The following STK11 variants were observed in gnomAD, a reference collection of about 807,000 sequenced individuals.
STK11 encodes serine/threonine kinase 11.
A neutral mutation model predicts 47.3 loss-of-function variants in STK11; 8 were observed. That is an observed-to-expected ratio of 0.17 (90% CI 0.10 to 0.31). The LOEUF is 0.31. Among genes scored for constraint, STK11 ranks in the 10% least tolerant of loss-of-function variants. The probability of loss-of-function intolerance (pLI) is 1.00; values close to 1 mark genes in which losing one functional copy is unlikely to be tolerated. For missense variants in STK11, 475 were observed against 605.0 expected (o/e 0.79, Z 2.25); for synonymous variants, 330 against 255.8 (o/e 1.29, Z -2.77).
Position 1,221,884 on chromosome 19 carries a change from G to A in STK11, c.863-65G>A, listed in dbSNP as rs568148528. 132 of 1,535,096 alleles carry A rather than the reference G, an allele frequency of 8.6e-5. No individual in the cohort carries two copies. The African/African-American group carries it at 1.3e-3, about 15-fold the overall frequency. ...GCCTGACAACAGAGGCTGGGCAGGC[G>A]GGGACGGTTGGTGGGGTCTCAGGCC... On this transcript the variant is annotated intron_variant, in intron 6 of 9. Coordinates refer to ENST00000326873, the MANE Select transcript of STK11 (RefSeq NM_000455.5).
intron 9 of STK11, 190 bp from the exon 10 acceptor site, chr19:1,227,403 C>G (rs531136290): frequency 1.3e-4 from 57 of 447,914 alleles, no homozygotes; most frequent in Non-Finnish European, 1.5e-4. Context: ...CCGCCAGGCC[C>G]CACTGCAAAA....
chr19:1,227,430 C>T (rs1295000355), intron 9 of STK11, 163 bp from the exon 10 acceptor site: 1 of 685,812 alleles, frequency 1.5e-6, no homozygotes. Context: ...ACAATGTACC[C>T]CGGGAGTGAC....
rs576670936 is a variant in STK11 at position 1,219,649 on chromosome 19, C to T, written c.464+236C>T. ...CAAGCTCCGCCTCCGAGGTTCACGC[C>T]ATTCTTCTGCCTCAGCTTCCCGAGT... On this transcript the variant is annotated intron_variant, in intron 3 of 9. Transcript: ENST00000326873. 2.0e-5 allele frequency among the ~76,000 whole-genome samples: 3 copies of T among 152,208 alleles called. No individual in the cohort carries two copies. The South Asian group carries it at 6.2e-4, about 32-fold the overall frequency.
At chr19:1,217,200 CATTTTT>C (rs1051002250) in intron 1 of STK11, among the ~76,000 whole-genome samples, 5 of 152,006 alleles carry the variant, frequency 3.3e-5, no homozygotes, top group African/African-American at 1.2e-4. Context: ...TGCTCCTCGT[CATTTTT>C]GTTTTTGTTT....
chr19:1,218,876 C>G (rs1050391551), intron 2 of STK11, among the ~76,000 whole-genome samples: 1 of 152,198 alleles, frequency 6.6e-6, no homozygotes, highest in Non-Finnish European at 1.5e-5. Context: ...CCCCATGGGT[C>G]TTACGGGCAC....
At chr19:1,220,286 T>C in intron 3 of STK11, 87 bp from the exon 4 acceptor site, 2 of 1,505,010 alleles carry the variant, frequency 1.3e-6, no homozygotes, top group Non-Finnish European at 1.8e-6. Context: ...GCCTGTGGTG[T>C]TTGGGAGGCT....
chr19:1,206,209 C>G lies in STK11; in HGVS notation c.-705C>G, dbSNP rs889798036. The G allele has an allele frequency of 4.0e-5, 7 of 174,260 alleles. No homozygotes were observed. The highest frequency in any genetic ancestry group is 3.8e-4 in the Admixed American group (6 of 15,686). 10.8% of individuals were successfully genotyped at this position (174,260 alleles called of 1,614,324 possible). ...TCGGGGGGCGCCCAGTGCGGGCCCT[C>G]GCGGGCGCCGGGCAGCGACCAGCCC... is the stretch of plus-strand genomic sequence containing the variant. On this transcript the variant is annotated 5_prime_UTR_variant, in exon 1 of 10. Coordinates refer to ENST00000326873, the MANE Select transcript of STK11 (RefSeq NM_000455.5).
chr19:1,209,105 G>T (rs954844925), intron 1 of STK11, among the ~76,000 whole-genome samples: 2 of 152,198 alleles, frequency 1.3e-5, no homozygotes, highest in African/African-American at 2.4e-5. Context: ...TGTGGCCAGT[G>T]CCTTGAGTCA....
chr19:1,216,768 T>C lies in STK11; in HGVS notation c.291-1649T>C, dbSNP rs567934931. On this transcript the variant is annotated intron_variant, in intron 1 of 9. Coordinates refer to ENST00000326873, the MANE Select transcript of STK11 (RefSeq NM_000455.5). ...CTGTAGTCCCAGCTACTTGCGGGGC[T>C]GAGATGGGAGGATCGCTTGAGCCTG... 6.7e-5 allele frequency among the ~76,000 whole-genome samples: 10 copies of C among 148,974 alleles called. 1 individual carries two copies. Among genetic ancestry groups the C allele is most frequent in the African/African-American group, 2.0e-4 (8 of 40,310 alleles).
At position 1,228,070 on chromosome 19, in the gene STK11, T is replaced by A. The variant is rs577030468; in HGVS notation, c.*494T>A. ...CATTTTCTTTTTTTCTTTTTTTTTTTAAGAAAAAATAAAAGGTGGATTTGA... is the reference window on the plus strand; with the variant it reads ...CATTTTCTTTTTTTCTTTTTTTTTTAAAGAAAAAATAAAAGGTGGATTTGA... On this transcript the variant is annotated 3_prime_UTR_variant, in exon 10 of 10. Coordinates refer to ENST00000326873, the MANE Select transcript of STK11 (RefSeq NM_000455.5). The A allele has an allele frequency of 1.8e-4, 190 of 1,065,046 alleles. 1 individual carries two copies. In the South Asian group the frequency reaches 7.7e-3, roughly 43 times the overall value. The allele number at this position is 1,065,046 out of a possible 1,614,324, so 66.0% of individuals were successfully genotyped here.
rs1450298305 is a variant in STK11, at chr19:1,224,862, CTCAGATG to C, written c.1109-1591_1109-1585del. ...ACTCAGGTGGACGCCCCTCCCACTG[CTCAGATG>C]CTGGGGACAGGCTCAACTTCAGGCT... On this transcript the variant is annotated intron_variant, in intron 8 of 9. Transcript: ENST00000326873. 8 of 985,522 alleles carry C rather than the reference CTCAGATG, an allele frequency of 8.1e-6. No homozygotes were observed. In the African/African-American group the frequency reaches 1.4e-4, roughly 17 times the overall value. 61.0% of individuals were successfully genotyped at this position (985,522 alleles called of 1,614,324 possible). A position where few individuals can be genotyped will look rare whatever the true frequency, so the allele number is the denominator to read the frequency against.
At chr19:1,220,801 G>A (rs1186746279) in intron 5 of STK11, 84 bp downstream of exon 5, 20 of 1,518,754 alleles carry the variant, frequency 1.3e-5, no homozygotes, top group Admixed American at 4.1e-5. Context: ...GCCTGTGGGC[G>A]CAGGGCGTGG....
At chr19:1,221,628 C>T in intron 6 of STK11, 1 of 586,236 alleles carries the variant, frequency 1.7e-6, no homozygotes, top group South Asian at 2.2e-5. Context: ...CAGGGTCTGT[C>T]AGGGTTGTCC....
At chr19:1,207,886 C>A (rs2080679354) in intron 1 of STK11, among the ~76,000 whole-genome samples, 1 of 152,212 alleles carries the variant, frequency 6.6e-6, no homozygotes, top group African/African-American at 2.4e-5. Context: ...CACGGGGCTG[C>A]CGCTGGGCAT....
intron 1 of STK11, among the ~76,000 whole-genome samples, chr19:1,212,273 C>CT (rs775284754): frequency 0.036 from 3,191 of 89,768 alleles, 523 homozygotes; most frequent in Non-Finnish European, 0.049. Context: ...TTCTTAACAC[C>CT]TTTTTTTTTT....
intron 2 of STK11, 121 bp downstream of exon 2, chr19:1,218,621 G>T: frequency 1.1e-6 from 1 of 881,726 alleles, no homozygotes; most frequent in Non-Finnish European, 1.9e-6. Context: ...CACGAGGGCC[G>T]TGGCCTTCCC....
At chr19:1,224,467 C>T (rs906850772) in intron 8 of STK11, 10 of 985,334 alleles carry the variant, frequency 1.0e-5, no homozygotes, top group East Asian at 1.1e-4. Context: ...TTCTGCCTTT[C>T]AGAGCCCTGG....
intron 8 of STK11, chr19:1,224,920 G>A (rs1390331371): frequency 2.1e-5 from 21 of 985,522 alleles, no homozygotes; most frequent in Non-Finnish European, 2.5e-5. Flanking sequence ...TCCCTGACCT[G>A]CAGAGCCCCC....
rs747018506 is a variant in STK11 at position 1,226,473 on chromosome 19, G to A, written c.1128G>A (p.Glu376=). The part of the protein sequence containing the change: ...FTVPGQVPEE[E]ASHNGQRRGL... ...TCCCAGGACAGGTCCCAGAAGAGGA[G>A]GCCAGTCACAATGGACAGCGCCGGG... Residue 376 remains glutamate (E), a synonymous_variant, in exon 9 of 10, where the codon GAG becomes GAA. Transcript: ENST00000326873. The A allele has an allele frequency of 9.3e-6, 15 of 1,611,238 alleles. No individual in the cohort carries two copies. In the Middle Eastern group the frequency reaches 6.7e-4, roughly 72 times the overall value.
Sources: allele counts gnomAD v4.1 joint callset (sites outside exome capture counted in the v4.1 genomes callset), GRCh38; gene constraint gnomAD v4.1.1; transcripts MANE v1.5; gene names NCBI Gene and HGNC (gene_info 2026-07-23, HGNC 2026-07-21).